The following MRC2 variants were observed in gnomAD, a reference collection of about 807,000 sequenced individuals.
The protein encoded by MRC2 is C-type mannose receptor 2.
In MRC2, 84 loss-of-function variants were observed where a neutral mutation model predicts 206.2. The ratio of observed to expected loss-of-function variants is 0.41; its 90% CI spans 0.34 to 0.49. The LOEUF (loss-of-function observed/expected upper bound fraction) is 0.49. Among genes scored for constraint, MRC2 ranks in the 20% least tolerant of loss-of-function variants. The pLI is 0.31. For synonymous variants in MRC2, 798 were observed against 800.0 expected, an observed-to-expected ratio of 1.00 and a Z score of 0.04; for missense variants, 1,676 against 2,001.5, an observed-to-expected ratio of 0.84 and a Z score of 3.10.
At chr17:62,684,323 T>G (rs575020741) in intron 20 of MRC2, among the ~76,000 whole-genome samples, 2 of 152,306 alleles carry the variant, frequency 1.3e-5, no homozygotes, top group East Asian at 3.9e-4. Flanking sequence ...AAAAATTGGC[T>G]AGTAGGCTGG....
chr17:62,630,640 TC>T (rs2084208636), intron 1 of MRC2, among the ~76,000 whole-genome samples: 1 of 152,108 alleles, frequency 6.6e-6, no homozygotes, highest in Non-Finnish European at 1.5e-5. Context: ...CTTGGAGGTT[TC>T]CGAGCAGAGG....
chr17:62,664,565 A>G lies in MRC2; in HGVS notation c.136A>G (p.Ile46Val), dbSNP rs2088723293. The change falls in exon 2 of 30, where the codon ATC becomes GTC. Residue 46 changes from isoleucine to valine, a missense_variant. Coordinates refer to ENST00000303375, the MANE Select transcript of MRC2 (RefSeq NM_006039.5). This position sits in a 1 kb window ranked among gnomAD's most constrained non-coding sequence, Gnocchi z 4.7. ...AALPEPNVFL[I>V]FSHGLQGCLE... ...CCTTCCAGAACCCAACGTCTTCCTC[A>G]TCTTCAGCCATGGACTGCAGGGCTG... 6.2e-7 allele frequency: 1 copy of G among 1,611,558 alleles called. No homozygotes were observed. Among genetic ancestry groups the G allele is most frequent in the East Asian group, 2.2e-5 (1 of 44,848 alleles).
At chr17:62,629,625 C>T (rs2465413) in intron 1 of MRC2, among the ~76,000 whole-genome samples, 82,001 of 152,050 alleles carry the variant, frequency 0.54, 23,146 homozygotes, top group East Asian at 0.82. Flanking sequence ...CCCTCGGAAC[C>T]GTGCCCTCTG....
At position 62,664,780 on chromosome 17, in the gene MRC2, G is replaced by A; in HGVS notation, c.351G>A (p.Leu117=). 6.2e-7 allele frequency: 1 copy of A among 1,613,968 alleles called. No homozygotes were observed. Among genetic ancestry groups the A allele is most frequent in the East Asian group, 2.2e-5 (1 of 44,880 alleles). ...LGMYECDREA[L]NLRWHCRTLG... ...TGTATGAGTGTGACCGGGAAGCACT[G>A]AATCTTCGCTGGCATTGTCGTACAC... Residue 117 remains leucine, a synonymous_variant, in exon 2 of 30, where the codon CTG becomes CTA. Transcript: ENST00000303375. This position sits in a 1 kb window ranked among gnomAD's most constrained non-coding sequence, Gnocchi z 4.7.
In MRC2 at chr17:62,675,446, C is replaced by T. The variant is rs2088879300; in HGVS notation, c.1570-344C>T. 6.6e-6 allele frequency among the ~76,000 whole-genome samples: 1 copy of T among 152,192 alleles called. No homozygotes were observed. Among genetic ancestry groups the T allele is most frequent in the South Asian group, 2.1e-4 (1 of 4,834 alleles). The stretch of plus-strand genomic sequence containing the variant: ...CCAGCCTTTAGCTGTGGTTTCCCAG[C>T]CAACAGTAATTTCCCCACTGTGTCT... On this transcript the variant is annotated intron_variant, in intron 9 of 29. Coordinates refer to ENST00000303375, the MANE Select transcript of MRC2 (RefSeq NM_006039.5). The surrounding 1 kb of genome is among the most constrained non-coding windows in gnomAD (Gnocchi z 4.1).
rs1001260399 is a variant in MRC2 at position 62,652,093 on chromosome 17, A to G, written c.119-12455A>G. On this transcript the variant is annotated intron_variant, in intron 1 of 29. Coordinates refer to ENST00000303375, the MANE Select transcript of MRC2 (RefSeq NM_006039.5). This position sits in a 1 kb window ranked among gnomAD's most constrained non-coding sequence, Gnocchi z 4.6. ...TCAATGAACCAGAGGGGCACGTGTA[A>G]TATTTCCGCTTTCGGTTACTCCCCA... Among the ~76,000 whole-genome samples the G allele has an allele frequency of 4.6e-5, 7 of 152,198 alleles. No homozygotes were observed. Among genetic ancestry groups the G allele is most frequent in the Non-Finnish European group, 8.8e-5 (6 of 68,028 alleles).
intron 6 of MRC2, among the ~76,000 whole-genome samples, chr17:62,670,531 G>A (rs998343447): frequency 1.3e-5 from 2 of 152,250 alleles, no homozygotes; most frequent in African/African-American, 4.8e-5. Context: ...AATCCTGCCC[G>A]AGCATGACAC....
In MRC2 at chr17:62,664,725, C is replaced by T; in HGVS notation, c.296C>T (p.Pro99Leu). Residue 99 changes from proline (P) to leucine (L), a missense_variant, in exon 2 of 30, where the codon CCA (proline) becomes CTA (leucine). Physicochemically the swap from Pro to Leu is moderately conservative, Grantham distance 98. Transcript: ENST00000303375. This position sits in a 1 kb window ranked among gnomAD's most constrained non-coding sequence, Gnocchi z 4.7. Reference sequence around the variant, plus strand: ...ATGCAGTGCCTGGGCACAGGCTGGCCAGGCACCAACACCACGGCCTCCCTG... The same window carrying T: ...ATGCAGTGCCTGGGCACAGGCTGGCTAGGCACCAACACCACGGCCTCCCTG... ...GTMQCLGTGW[P>L]GTNTTASLGM... is the part of the protein sequence containing the mutation. 1 of 1,614,000 alleles carries T rather than the reference C, an allele frequency of 6.2e-7. No individual in the cohort carries two copies. The highest frequency in any genetic ancestry group is 8.5e-7 in the Non-Finnish European group (1 of 1,180,040).
chr17:62,638,909 ACT>A (rs1406725103), intron 1 of MRC2, among the ~76,000 whole-genome samples: 2 of 152,010 alleles, frequency 1.3e-5, no homozygotes, highest in Non-Finnish European at 2.9e-5. Context: ...ACAAAGCGAG[ACT>A]CTGTCTCAAA....
At chr17:62,629,216 C>G (rs1411303036) in intron 1 of MRC2, among the ~76,000 whole-genome samples, 2 of 152,230 alleles carry the variant, frequency 1.3e-5, no homozygotes, top group African/African-American at 4.8e-5. Context: ...CTCTGCTCCT[C>G]TGCGCAGGGC....
At chr17:62,678,341 T>A (rs1272346939) in intron 12 of MRC2, among the ~76,000 whole-genome samples, 163 bp from the exon 13 acceptor site, 1 of 152,138 alleles carries the variant, frequency 6.6e-6, no homozygotes, top group Admixed American at 6.5e-5. Context: ...CCAGCTCCCC[T>A]CCCCAGACCT....
At chr17:62,668,428 G>T (rs2088785275) in intron 6 of MRC2, among the ~76,000 whole-genome samples, 2 of 151,166 alleles carry the variant, frequency 1.3e-5, no homozygotes, top group Admixed American at 6.6e-5. Flanking sequence ...GAAAAAAATG[G>T]ATGGTGCCTG....
intron 1 of MRC2, among the ~76,000 whole-genome samples, chr17:62,628,821 G>C (rs979998879): frequency 1.3e-5 from 2 of 152,190 alleles, no homozygotes; most frequent in South Asian, 4.1e-4. Context: ...GGGGGAGTGG[G>C]GGTGGGGGTG....
At chr17:62,689,056 C>A (rs1047365602) in intron 23 of MRC2, 96 bp downstream of exon 23, 13 of 979,140 alleles carry the variant, frequency 1.3e-5, no homozygotes, top group Admixed American at 2.1e-5. Context: ...TGGTCCCTGG[C>A]AGAGCAGGGC....
At chr17:62,663,362 A>C (rs2088703868) in intron 1 of MRC2, among the ~76,000 whole-genome samples, 1 of 152,110 alleles carries the variant, frequency 6.6e-6, no homozygotes, top group African/African-American at 2.4e-5. Flanking sequence ...TTACCCATTT[A>C]AAACATATAT....
chr17:62,682,989 TAAAAC>T (rs1206191208), intron 20 of MRC2, among the ~76,000 whole-genome samples: 3 of 152,138 alleles, frequency 2.0e-5, no homozygotes, highest in Admixed American at 2.0e-4. Context: ...CTCCTATTAG[TAAAAC>T]AAAATATTGA....
rs550678441 is a variant in MRC2, at chr17:62,665,407, C to CA, written c.520+458_520+459insA. On this transcript the variant is annotated intron_variant, in intron 2 of 29. Transcript: ENST00000303375. The stretch of plus-strand genomic sequence containing the variant: ...GTGACAGAGCAAGACTCTGTCCCCC[C>CA]CCCCACAAAAAAAAAAAGAAAAGAA... 6.3e-5 allele frequency among the ~76,000 whole-genome samples: 9 copies of CA among 143,628 alleles called. No homozygotes were observed. In the South Asian group the frequency reaches 1.9e-3, roughly 30 times the overall value. The allele number at this position is 143,628 out of a possible 152,430, so 94.2% of individuals were successfully genotyped here. A position where few individuals can be genotyped will look rare whatever the true frequency, so the allele number is the denominator to read the frequency against.
intron 1 of MRC2, among the ~76,000 whole-genome samples, chr17:62,663,508 C>A (rs1198116069): frequency 1.3e-5 from 2 of 152,098 alleles, no homozygotes; most frequent in East Asian, 3.9e-4. Flanking sequence ...CCACAGGCAA[C>A]CATTAATTTG....
chr17:62,630,729 C>G (rs2084209286), intron 1 of MRC2, among the ~76,000 whole-genome samples: 1 of 152,054 alleles, frequency 6.6e-6, no homozygotes, highest in Non-Finnish European at 1.5e-5. Flanking sequence ...GTGAGGAGAC[C>G]TCAGGAAATC....
Sources: allele counts gnomAD v4.1 joint callset (sites outside exome capture counted in the v4.1 genomes callset), GRCh38; gene constraint gnomAD v4.1.1; non-coding constraint Gnocchi (gnomAD v3.1); transcripts MANE v1.5; gene names NCBI Gene and HGNC (gene_info 2026-07-23, HGNC 2026-07-21).